DYNC2LI1: variants seen among roughly 807,000 people sequenced by gnomAD.
DYNC2LI1 encodes dynein cytoplasmic 2 light intermediate chain 1.
In DYNC2LI1, 45 loss-of-function variants were observed where a neutral mutation model predicts 51.9. That is an observed-to-expected ratio of 0.87 (90% CI 0.68 to 1.11). The LOEUF is 1.11. Among genes scored for constraint, DYNC2LI1 ranks in the 50% most tolerant of loss-of-function variants. The pLI, the probability that DYNC2LI1 is intolerant of heterozygous loss-of-function variation, is 0.00. For synonymous variants in DYNC2LI1, 130 were observed against 137.8 expected, an observed-to-expected ratio of 0.94 and a Z score of 0.40; for missense variants, 490 against 417.4, an observed-to-expected ratio of 1.17 and a Z score of -1.51.
the DYNC2LI1 span, chr2:43,824,083 G>A: frequency 1.2e-6 from 2 of 1,614,192 alleles, no homozygotes; most frequent in Non-Finnish European, 1.7e-6. Flanking sequence ...CGTAATCACT[G>A]CCAGCTTATT....
chr2:43,822,857 G>A, the DYNC2LI1 span: 5 of 1,614,042 alleles, frequency 3.1e-6, no homozygotes, highest in East Asian at 4.5e-5. Context: ...GACGTGCAGT[G>A]CATAGGCCAG....
rs1274838653 is a variant in DYNC2LI1 at position 43,796,795 on chromosome 2, G to A, written c.654G>A (p.Met218Ile). 6 of 1,612,762 alleles carry A rather than the reference G, an allele frequency of 3.7e-6. No homozygotes were observed. The highest frequency in any genetic ancestry group is 1.1e-5 in the South Asian group (1 of 91,010). ...CACATTATTATGGAGCATCATTAAT[G>A]GTTTGTACATTTCTTGTCCTTTGGG... ...FVAHYYGASL[M>I]FTSKSEALLL... Residue 218 changes from methionine to isoleucine, a missense_variant and splice_region_variant, in exon 8 of 13, where the codon ATG becomes ATA. Coordinates refer to ENST00000260605, the MANE Select transcript of DYNC2LI1 (RefSeq NM_016008.4).
intron 1 of DYNC2LI1, 150 bp downstream of exon 1, chr2:43,774,296 G>C (rs909611338): frequency 9.6e-7 from 1 of 1,039,412 alleles, no homozygotes. Flanking sequence ...TCAGCCTTGA[G>C]CATAAAGATT....
At chr2:43,824,051 T>C in the DYNC2LI1 span, 1 of 1,614,220 alleles carries the variant, frequency 6.2e-7, no homozygotes, top group Non-Finnish European at 8.5e-7. Flanking sequence ...AACAAACCCA[T>C]GATCAGATTC....
chr2:43,818,781 G>A, the DYNC2LI1 span, among the ~76,000 whole-genome samples: 4 of 152,082 alleles, frequency 2.6e-5, no homozygotes, highest in Admixed American at 6.5e-5. Context: ...ATCTCACTTC[G>A]TATAACTCAC....
the DYNC2LI1 span, among the ~76,000 whole-genome samples, chr2:43,825,527 T>G: frequency 4.6e-5 from 7 of 152,212 alleles, no homozygotes; most frequent in African/African-American, 7.2e-5. Flanking sequence ...TGAAGCCAAC[T>G]TGGCTGTGAA....
chr2:43,789,981 A>G (rs982665184), intron 5 of DYNC2LI1, among the ~76,000 whole-genome samples: 3 of 152,252 alleles, frequency 2.0e-5, no homozygotes, highest in Admixed American at 6.5e-5. Context: ...ACAAACAAAA[A>G]TACATCAAAT....
At chr2:43,792,419 G>A (rs1458174572) in intron 5 of DYNC2LI1, among the ~76,000 whole-genome samples, 2 of 151,884 alleles carry the variant, frequency 1.3e-5, no homozygotes, top group Non-Finnish European at 2.9e-5. Context: ...TGGTTATATT[G>A]GATATAATCC....
chr2:43,778,525 C>G (rs1240005360), intron 2 of DYNC2LI1, among the ~76,000 whole-genome samples: 3 of 152,136 alleles, frequency 2.0e-5, no homozygotes, highest in African/African-American at 7.2e-5. Context: ...TAACAGTTTC[C>G]TACATTGTAT....
intron 12 of DYNC2LI1, among the ~76,000 whole-genome samples, chr2:43,808,778 G>A (rs114127102): frequency 0.022 from 3,281 of 152,078 alleles, 81 homozygotes; most frequent in African/African-American, 0.062. Flanking sequence ...TGTTATTTTT[G>A]CTGGCTGCCT....
intron 2 of DYNC2LI1, among the ~76,000 whole-genome samples, chr2:43,781,989 A>T (rs1673308471): frequency 1.4e-5 from 2 of 145,388 alleles, no homozygotes; most frequent in South Asian, 4.3e-4. Context: ...GTCCCCCTAC[A>T]TTTGTGTGTT....
intron 3 of DYNC2LI1, among the ~76,000 whole-genome samples, chr2:43,784,309 A>G (rs574154759): frequency 6.6e-6 from 1 of 152,374 alleles, no homozygotes; most frequent in South Asian, 2.1e-4. Flanking sequence ...ATCTTTCCAT[A>G]TCCAGGAATC....
At chr2:43,810,043 G>A, downstream of DYNC2LI1, 2 of 815,908 alleles carry the variant, frequency 2.5e-6, no homozygotes, top group Non-Finnish European at 3.1e-6. Context: ...AATTCAGCAT[G>A]TATAAGTTTC....
chr2:43,774,864 C>G (rs552200640), intron 1 of DYNC2LI1, among the ~76,000 whole-genome samples: 10 of 152,314 alleles, frequency 6.6e-5, no homozygotes, highest in African/African-American at 2.2e-4. Context: ...CGTCTTTCCT[C>G]TCTGCTAGGT....
intron 4 of DYNC2LI1, among the ~76,000 whole-genome samples, chr2:43,789,105 G>A (rs192474898): frequency 3.9e-5 from 6 of 152,200 alleles, no homozygotes; most frequent in Admixed American, 6.5e-5. Flanking sequence ...GGAACAAATC[G>A]TCTGCTTATA....
intron 10 of DYNC2LI1, among the ~76,000 whole-genome samples, chr2:43,802,263 G>A (rs1666100044): frequency 6.6e-6 from 1 of 152,002 alleles, no homozygotes; most frequent in South Asian, 2.1e-4. Context: ...ATATCTCAAG[G>A]CCCTTACCTT....
the DYNC2LI1 span, among the ~76,000 whole-genome samples, chr2:43,815,599 G>A: frequency 5.9e-5 from 9 of 152,138 alleles, no homozygotes; most frequent in Admixed American, 2.0e-4. Flanking sequence ...AAAAGGATAC[G>A]TGGGACTCTG....
chr2:43,811,243 C>A (rs1020484425), downstream of DYNC2LI1, among the ~76,000 whole-genome samples: 1 of 152,162 alleles, frequency 6.6e-6, no homozygotes, highest in Non-Finnish European at 1.5e-5. Context: ...ATCTGTAAGA[C>A]ATTGTGTAAC....
At chr2:43,797,515 CTTTTTT>C (rs557695536) in intron 8 of DYNC2LI1, among the ~76,000 whole-genome samples, 15 of 110,694 alleles carry the variant, frequency 1.4e-4, no homozygotes, top group African/African-American at 5.1e-4. Flanking sequence ...AATATAACAA[CTTTTTT>C]TTTTTTTTTT....
Sources: allele counts gnomAD v4.1 joint callset (sites outside exome capture counted in the v4.1 genomes callset), GRCh38; gene constraint gnomAD v4.1.1; transcripts MANE v1.5; gene names NCBI Gene and HGNC (gene_info 2026-07-23, HGNC 2026-07-21).